Variants in MDH2 observed in about 807,000 individuals in gnomAD.
MDH2 encodes malate dehydrogenase, mitochondrial.
MDH2 carries 25 observed loss-of-function variants against 33.6 expected under a neutral mutation model. The observed-to-expected ratio is 0.74, with a 90% CI of 0.54 to 1.04. The LOEUF (loss-of-function observed/expected upper bound fraction) is 1.04, where lower values mean the gene tolerates loss of function less well. MDH2 is among the 50% of genes least tolerant of loss of function. The pLI is 0.00. For missense variants in MDH2, 432 were observed against 445.0 expected (o/e 0.97, Z 0.26); for synonymous variants, 193 against 188.7 (o/e 1.02, Z -0.19).
At chr7:76,056,129 G>A (rs1224408722) in intron 2 of MDH2, among the ~76,000 whole-genome samples, 6 of 152,038 alleles carry the variant, frequency 3.9e-5, no homozygotes, top group African/African-American at 7.2e-5. Context: ...CGCCCAGCCC[G>A]AATTCTTGAT....
intron 2 of MDH2, among the ~76,000 whole-genome samples, chr7:76,055,351 T>C (rs879953609): frequency 6.6e-6 from 1 of 152,130 alleles, no homozygotes; most frequent in Non-Finnish European, 1.5e-5. Flanking sequence ...CCCAGGGTTA[T>C]CTTGCCAGCT....
At chr7:76,048,593 G>T (rs1462605029) in intron 1 of MDH2, 5 of 1,302,402 alleles carry the variant, frequency 3.8e-6, no homozygotes, top group African/African-American at 1.5e-5. Context: ...TTGCTTTGAC[G>T]TAGCTAATCT....
At chr7:76,050,004 G>C (rs1797567751) in intron 1 of MDH2, among the ~76,000 whole-genome samples, 1 of 152,070 alleles carries the variant, frequency 6.6e-6, no homozygotes, top group South Asian at 2.1e-4. Context: ...GCTAATTTTT[G>C]TGTTTTTAGT....
intron 1 of MDH2, among the ~76,000 whole-genome samples, chr7:76,051,755 A>G (rs1200664811): frequency 6.6e-6 from 1 of 152,240 alleles, no homozygotes; most frequent in Non-Finnish European, 1.5e-5. Flanking sequence ...AACACGTTAT[A>G]AAGTGTTAAA....
intron 4 of MDH2, among the ~76,000 whole-genome samples, chr7:76,058,590 G>C (rs1310087671): frequency 1.3e-5 from 2 of 152,182 alleles, no homozygotes; most frequent in Non-Finnish European, 2.9e-5. Context: ...CACAGTAAGA[G>C]ATTAACAACA....
chr7:76,055,340 C>T (rs1554586110), intron 2 of MDH2, among the ~76,000 whole-genome samples: 1 of 152,136 alleles, frequency 6.6e-6, no homozygotes, highest in East Asian at 1.9e-4. Flanking sequence ...CTTCCCTCCA[C>T]CCCAGGGTTA....
Position 76,058,191 on chromosome 7 carries a change from G to T in MDH2, c.429+113G>T. The T allele has an allele frequency of 3.1e-6, 3 of 978,058 alleles. No homozygotes were observed. The East Asian group carries it at 7.9e-5, about 26-fold the overall frequency. The allele number at this position is 978,058 out of a possible 1,614,324, so 60.6% of individuals were successfully genotyped here. A position where few individuals can be genotyped will look rare whatever the true frequency, so the allele number is the denominator to read the frequency against. On this transcript the variant is annotated intron_variant, in intron 4 of 8. Coordinates refer to ENST00000315758, the MANE Select transcript of MDH2 (RefSeq NM_005918.4). ...CTGCTGATGTGCTGGGGGGATGGGG[G>T]GATACACAGATGAAGGGGCTGAAAT... is the stretch of plus-strand genomic sequence containing the variant.
intron 8 of MDH2, 72 bp from the exon 9 acceptor site, chr7:76,066,207 G>C: frequency 6.4e-7 from 1 of 1,559,778 alleles, no homozygotes; most frequent in Non-Finnish European, 8.7e-7. Context: ...GGCTGATGGA[G>C]CGACAGGTCG....
In MDH2 at chr7:76,057,371, A is replaced by G. The variant is rs782196934; in HGVS notation, c.236-39A>G. ...TGAACTTTCCAGGCCTCTCTGAATCAGAAACGGTGACATTTCTCTTGTGGG... is the reference window on the plus strand; with the variant it reads ...TGAACTTTCCAGGCCTCTCTGAATCGGAAACGGTGACATTTCTCTTGTGGG... On this transcript the variant is annotated intron_variant, in intron 2 of 8. Coordinates refer to ENST00000315758, the MANE Select transcript of MDH2 (RefSeq NM_005918.4). The G allele has an allele frequency of 1.2e-5, 20 of 1,611,250 alleles. No homozygotes were observed. The Admixed American group carries it at 2.5e-4, about 20-fold the overall frequency.
intron 7 of MDH2, 47 bp downstream of exon 7, chr7:76,064,485 G>A (rs782398600): frequency 4.7e-6 from 7 of 1,491,910 alleles, no homozygotes; most frequent in South Asian, 1.2e-5. Context: ...GAGGCCCTGC[G>A]AGAGCTCAGG....
At chr7:76,061,945 C>T (rs1412014828) in intron 5 of MDH2, among the ~76,000 whole-genome samples, 1 of 152,222 alleles carries the variant, frequency 6.6e-6, no homozygotes, top group Non-Finnish European at 1.5e-5. Flanking sequence ...TAAGATGCTC[C>T]ATGGCCACAT....
chr7:76,052,395 C>T (rs1251138963), intron 1 of MDH2, among the ~76,000 whole-genome samples: 3 of 145,310 alleles, frequency 2.1e-5, no homozygotes, highest in African/African-American at 5.2e-5. Flanking sequence ...CGCACCACTG[C>T]ACTCCAGCCT....
intron 7 of MDH2, 40 bp downstream of exon 7, chr7:76,064,478 G>A: frequency 6.5e-7 from 1 of 1,528,698 alleles, no homozygotes; most frequent in Non-Finnish European, 9.0e-7. Context: ...TGCCAGTGAG[G>A]CCCTGCGAGA....
chr7:76,059,351 G>A (rs1487842395), intron 4 of MDH2, among the ~76,000 whole-genome samples: 1 of 152,200 alleles, frequency 6.6e-6, no homozygotes, highest in African/African-American at 2.4e-5. Context: ...CATGGATAAG[G>A]TGGGACTATC....
At position 76,067,280 on chromosome 7, in the gene MDH2, C is replaced by CTT. The variant is rs1481144586; in HGVS notation, c.*872_*873dup. 6.6e-6 allele frequency: 1 copy of CTT among 152,220 alleles called. No homozygotes were observed. The highest frequency in any genetic ancestry group is 2.4e-5 in the African/African-American group (1 of 41,450). 9.4% of individuals were successfully genotyped at this position (152,220 alleles called of 1,614,324 possible). ...TGAAAGCTGCATACCTGGGAAAGAA[C>CTT]TTTCTAGGAATAGGCAATGGCCTTC... On this transcript the variant is annotated 3_prime_UTR_variant, in exon 9 of 9. Transcript: ENST00000315758.
intron 2 of MDH2, among the ~76,000 whole-genome samples, chr7:76,056,576 A>C (rs1797793428): frequency 6.6e-6 from 1 of 152,242 alleles, no homozygotes; most frequent in South Asian, 2.1e-4. Context: ...TCAAGATCGA[A>C]GCAGATTTTG....
intron 6 of MDH2, 37 bp from the exon 7 acceptor site, chr7:76,064,300 GCC>G: frequency 6.5e-7 from 1 of 1,537,360 alleles, no homozygotes; most frequent in Non-Finnish European, 8.9e-7. Context: ...GGGGTCATGG[GCC>G]GGAAGCCACT....
In MDH2 at chr7:76,066,549, G is replaced by A; in HGVS notation, c.*139G>A. 3 of 1,077,150 alleles carry A rather than the reference G, an allele frequency of 2.8e-6. No individual in the cohort carries two copies. Among genetic ancestry groups the A allele is most frequent in the Non-Finnish European group, 2.5e-6 (2 of 802,410 alleles). 66.7% of individuals were successfully genotyped at this position (1,077,150 alleles called of 1,614,324 possible). ...CATCATCATGCCTTCCAAATTGTGG[G>A]TGGCTCTGTGGGCGCATCAATAAAA... On this transcript the variant is annotated 3_prime_UTR_variant, in exon 9 of 9. Coordinates refer to ENST00000315758, the MANE Select transcript of MDH2 (RefSeq NM_005918.4).
At chr7:76,060,606 C>T in intron 5 of MDH2, 108 bp downstream of exon 5, 1 of 1,482,446 alleles carries the variant, frequency 6.7e-7, no homozygotes, top group Admixed American at 2.2e-5. Flanking sequence ...TCACGTGTCA[C>T]TTTGGGGTTT....
Sources: allele counts gnomAD v4.1 joint callset (sites outside exome capture counted in the v4.1 genomes callset), GRCh38; gene constraint gnomAD v4.1.1; transcripts MANE v1.5; gene names NCBI Gene and HGNC (gene_info 2026-07-23, HGNC 2026-07-21).